NELL1: variants seen among roughly 807,000 people sequenced by gnomAD.
NELL1 encodes the protein neural EGFL like 1.
A neutral mutation model predicts 107.4 loss-of-function variants in NELL1; 76 were observed. The observed-to-expected ratio is 0.71, with a 90% CI of 0.59 to 0.86. The LOEUF is 0.86. Ranked by LOEUF, NELL1 falls within the 40% of genes least tolerant of loss-of-function variation. NELL1 has a pLI of 0.00. For synonymous variants in NELL1, 353 were observed against 341.2 expected, an observed-to-expected ratio of 1.03 and a Z score of -0.38; for missense variants, 1,024 against 1,005.5, an observed-to-expected ratio of 1.02 and a Z score of -0.25.
intron 2 of NELL1, among the ~76,000 whole-genome samples, chr11:20,696,298 T>G (rs1239912329): frequency 2.0e-5 from 3 of 152,126 alleles, no homozygotes; most frequent in African/African-American, 7.2e-5. Flanking sequence ...TTATTTTAGT[T>G]ATTTATTTTC....
At chr11:21,219,875 G>T (rs1169871309) in intron 13 of NELL1, among the ~76,000 whole-genome samples, 4 of 152,284 alleles carry the variant, frequency 2.6e-5, no homozygotes, top group Admixed American at 1.3e-4. Context: ...TCTCAGTTCT[G>T]CAGGCTGTAC....
At chr11:21,536,999 A>C (rs1287077093) in intron 16 of NELL1, among the ~76,000 whole-genome samples, 1 of 151,980 alleles carries the variant, frequency 6.6e-6, no homozygotes, top group East Asian at 1.9e-4. Flanking sequence ...TGTTTTGCAA[A>C]GGAAAATGTC....
chr11:20,690,852 G>C (rs1445003983), intron 2 of NELL1, among the ~76,000 whole-genome samples: 4 of 149,748 alleles, frequency 2.7e-5, no homozygotes, highest in African/African-American at 9.8e-5. Flanking sequence ...GGATGGCATT[G>C]AATCTGTAAA....
At chr11:20,755,865 GTTTTTTTTTTTTTTTTTT>G (rs574606148) in intron 2 of NELL1, among the ~76,000 whole-genome samples, 24 of 122,078 alleles carry the variant, frequency 2.0e-4, no homozygotes, top group African/African-American at 3.0e-4. Context: ...CAGACCTGCG[GTTTTTTTTTTTTTTTTTT>G]TTTTTTTTTT....
chr11:20,788,618 T>C (rs923264988), intron 3 of NELL1, among the ~76,000 whole-genome samples: 16 of 152,190 alleles, frequency 1.1e-4, no homozygotes, highest in Non-Finnish European at 5.9e-5. Flanking sequence ...TTTACAGTTT[T>C]TTCCCCCATT....
At chr11:20,755,894 T>G (rs1476114905) in intron 2 of NELL1, among the ~76,000 whole-genome samples, 2,289 of 127,988 alleles carry the variant, frequency 0.018, 163 homozygotes, top group African/African-American at 0.077. Context: ...TTTTTTTTTT[T>G]TTTTTTTTTT....
At chr11:21,539,765 C>T (rs1856243519) in intron 16 of NELL1, among the ~76,000 whole-genome samples, 1 of 151,406 alleles carries the variant, frequency 6.6e-6, no homozygotes, top group Non-Finnish European at 1.5e-5. Context: ...ATCCTGGGTA[C>T]AGGATACCGA....
chr11:21,551,555 A>T (rs1207371637), intron 16 of NELL1, among the ~76,000 whole-genome samples: 1 of 151,708 alleles, frequency 6.6e-6, no homozygotes, highest in South Asian at 2.1e-4. Flanking sequence ...ATCACTGGCC[A>T]TCAGAGAAAT....
At chr11:21,565,946 G>T (rs1351571683) in intron 17 of NELL1, among the ~76,000 whole-genome samples, 1 of 151,912 alleles carries the variant, frequency 6.6e-6, no homozygotes, top group Non-Finnish European at 1.5e-5. Context: ...AAGTAGAATA[G>T]GTGCGTCTAG....
chr11:21,392,853 A>T (rs1161842302), intron 15 of NELL1, among the ~76,000 whole-genome samples: 1 of 151,794 alleles, frequency 6.6e-6, no homozygotes, highest in East Asian at 2.0e-4. Context: ...CCCCTTTGGA[A>T]GTAGAGTATT....
intron 14 of NELL1, among the ~76,000 whole-genome samples, chr11:21,247,083 C>T (rs963608194): frequency 3.9e-5 from 6 of 152,052 alleles, no homozygotes; most frequent in African/African-American, 1.2e-4. Flanking sequence ...GAGTGGTACA[C>T]CTATATAGGG....
intron 14 of NELL1, among the ~76,000 whole-genome samples, chr11:21,334,528 G>A (rs1180865595): frequency 6.6e-6 from 1 of 151,784 alleles, no homozygotes. Flanking sequence ...TTCTCCTAAA[G>A]GACTGTGTAA....
intron 15 of NELL1, among the ~76,000 whole-genome samples, chr11:21,518,246 G>T (rs529021296): frequency 4.2e-4 from 64 of 151,764 alleles, no homozygotes; most frequent in Non-Finnish European, 7.7e-4. Context: ...TCATTATGAT[G>T]GTTACTTGTC....
chr11:21,344,358 T>A (rs12223707), intron 14 of NELL1, among the ~76,000 whole-genome samples: 28,515 of 152,036 alleles, frequency 0.19, 2,852 homozygotes, highest in Middle Eastern at 0.3. Context: ...ACTAATTGAG[T>A]TCTGTCAGTC....
intron 12 of NELL1, among the ~76,000 whole-genome samples, chr11:20,965,971 T>A (rs1851380060): frequency 6.6e-6 from 1 of 152,204 alleles, no homozygotes; most frequent in African/African-American, 2.4e-5. Flanking sequence ...TATCCAATAT[T>A]TAGGTAACTT....
intron 12 of NELL1, among the ~76,000 whole-genome samples, chr11:21,036,180 G>A (rs925213125): frequency 4.6e-5 from 7 of 152,128 alleles, no homozygotes; most frequent in Non-Finnish European, 8.8e-5. Context: ...GCTAACCAGG[G>A]AGGTGAAAGA....
rs201216519 is a variant in NELL1, at chr11:20,885,424, T to C, written c.507-20T>C. On this transcript the variant is annotated intron_variant, in intron 4 of 19. Transcript: ENST00000357134. ...TGCTTTGAGCCTCTCTATTAGTAAC[T>C]GTGTTCTTTGCCTTTACAGGATTTA... The C allele has an allele frequency of 3.6e-5, 54 of 1,494,162 alleles. No individual in the cohort carries two copies. Among genetic ancestry groups the C allele is most frequent in the Non-Finnish European group, 4.9e-5 (53 of 1,070,844 alleles). 92.6% of individuals were successfully genotyped at this position (1,494,162 alleles called of 1,614,324 possible).
At chr11:20,884,448 C>T (rs1267257386) in intron 4 of NELL1, among the ~76,000 whole-genome samples, 1 of 152,150 alleles carries the variant, frequency 6.6e-6, no homozygotes, top group African/African-American at 2.4e-5. Flanking sequence ...ACATAGTTCT[C>T]GTTTACAGAT....
At chr11:21,377,572 G>T (rs1291401719) in intron 15 of NELL1, among the ~76,000 whole-genome samples, 1 of 152,018 alleles carries the variant, frequency 6.6e-6, no homozygotes, top group Non-Finnish European at 1.5e-5. Flanking sequence ...AATGAGTTAG[G>T]GAAGAGTCCC....
Sources: allele counts gnomAD v4.1 joint callset (sites outside exome capture counted in the v4.1 genomes callset), GRCh38; gene constraint gnomAD v4.1.1; transcripts MANE v1.5; gene names NCBI Gene and HGNC (gene_info 2026-07-23, HGNC 2026-07-21).